Variants in LRMDA observed in about 807,000 individuals in gnomAD.
The protein encoded by LRMDA is leucine rich melanocyte differentiation associated.
LRMDA carries 18 observed loss-of-function variants against 29.8 expected under a neutral mutation model. The ratio of observed to expected loss-of-function variants is 0.60; its 90% CI spans 0.42 to 0.90. The LOEUF is 0.90. Among genes scored for constraint, LRMDA ranks in the 40% least tolerant of loss-of-function variants. The probability of loss-of-function intolerance (pLI) is 0.00; values close to 1 mark genes in which losing one functional copy is unlikely to be tolerated. For missense variants in LRMDA, 273 were observed against 273.9 expected (o/e 1.00, Z 0.02); for synonymous variants, 125 against 109.4 (o/e 1.14, Z -0.89).
intron 2 of LRMDA, among the ~76,000 whole-genome samples, chr10:75,950,446 A>T (rs1263275526): frequency 6.6e-6 from 1 of 152,168 alleles, no homozygotes; most frequent in Non-Finnish European, 1.5e-5. Context: ...ACCTTATGTC[A>T]TAGACAGCTC....
At chr10:75,730,826 T>C (rs2132198301) in intron 2 of LRMDA, among the ~76,000 whole-genome samples, 1 of 152,250 alleles carries the variant, frequency 6.6e-6, no homozygotes, top group South Asian at 2.1e-4. Context: ...TTAATTATTT[T>C]CTTTTTTCTA....
intron 5 of LRMDA, among the ~76,000 whole-genome samples, chr10:76,297,735 A>C (rs576182177): frequency 1.3e-5 from 2 of 152,318 alleles, no homozygotes; most frequent in East Asian, 3.9e-4. Flanking sequence ...GGAAGTCATT[A>C]TCACCATTGC....
At position 76,150,081 on chromosome 10, in the gene LRMDA, G is replaced by T. The variant is rs150230662; in HGVS notation, c.516+91298G>T. On this transcript the variant is annotated intron_variant, in intron 5 of 6. Coordinates refer to ENST00000611255, the MANE Select transcript of LRMDA (RefSeq NM_001305581.2). ...ACACTGGGCTACTGCTGTCTCCTTGGGGGGAAGTTTCCTCTTAGAACTAAC... is the reference window on the plus strand; with the variant it reads ...ACACTGGGCTACTGCTGTCTCCTTGTGGGGAAGTTTCCTCTTAGAACTAAC... Among the ~76,000 whole-genome samples the T allele has an allele frequency of 2.3e-3, 346 of 152,308 alleles. 1 individual carries two copies. Among genetic ancestry groups the T allele is most frequent in the Middle Eastern group, 6.8e-3 (2 of 294 alleles).
At chr10:75,632,069 C>CT (rs996120406) in intron 2 of LRMDA, among the ~76,000 whole-genome samples, 5 of 152,154 alleles carry the variant, frequency 3.3e-5, no homozygotes, top group Admixed American at 1.3e-4. Context: ...TTCTGGCAAC[C>CT]TTTATACTTC....
chr10:75,590,596 A>C lies in LRMDA; in HGVS notation c.131+152102A>C, dbSNP rs567603864. ...AAAAGAGAATTAAAATGCTGGTAGGAGATGTGAGACTTGATAACAAATGCC... is the reference window on the plus strand; with the variant it reads ...AAAAGAGAATTAAAATGCTGGTAGGCGATGTGAGACTTGATAACAAATGCC... On this transcript the variant is annotated intron_variant, in intron 2 of 6. Coordinates refer to ENST00000611255, the MANE Select transcript of LRMDA (RefSeq NM_001305581.2). Among the ~76,000 whole-genome samples the C allele has an allele frequency of 3.9e-5, 6 of 152,284 alleles. No homozygotes were observed. The South Asian group carries it at 1.2e-3, about 32-fold the overall frequency.
At chr10:76,418,388 A>G (rs1331393512) in intron 6 of LRMDA, among the ~76,000 whole-genome samples, 2 of 150,944 alleles carry the variant, frequency 1.3e-5, no homozygotes, top group East Asian at 3.9e-4. Flanking sequence ...TACATATTTC[A>G]TTATATTTAT....
intron 6 of LRMDA, among the ~76,000 whole-genome samples, chr10:76,335,430 A>C (rs961231692): frequency 3.3e-5 from 5 of 152,200 alleles, no homozygotes; most frequent in Admixed American, 6.5e-5. Context: ...GGTTAGATCC[A>C]AAGGAAGTAT....
At chr10:75,535,908 C>T (rs886084295) in intron 2 of LRMDA, among the ~76,000 whole-genome samples, 3 of 152,184 alleles carry the variant, frequency 2.0e-5, no homozygotes, top group African/African-American at 7.2e-5. Context: ...CTCTTCTGAG[C>T]CATCTGTGCC....
At chr10:76,411,903 GA>G (rs1841965331) in intron 6 of LRMDA, among the ~76,000 whole-genome samples, 1 of 152,342 alleles carries the variant, frequency 6.6e-6, no homozygotes, top group African/African-American at 2.4e-5. Context: ...ATGGAAAACA[GA>G]TGGAGGCGCT....
intron 2 of LRMDA, among the ~76,000 whole-genome samples, chr10:75,717,374 G>T (rs868531405): frequency 2.6e-5 from 4 of 152,214 alleles, no homozygotes; most frequent in Non-Finnish European, 5.9e-5. Context: ...GCGATGGGAT[G>T]GTAAATCAGG....
At chr10:76,479,412 A>C (rs1298778555) in intron 6 of LRMDA, among the ~76,000 whole-genome samples, 1 of 151,932 alleles carries the variant, frequency 6.6e-6, no homozygotes, top group Non-Finnish European at 1.5e-5. Flanking sequence ...AGAAGGGCCC[A>C]GGCTTGGTTT....
At chr10:76,264,523 A>G (rs970964287) in intron 5 of LRMDA, among the ~76,000 whole-genome samples, 2 of 148,946 alleles carry the variant, frequency 1.3e-5, no homozygotes, top group South Asian at 4.3e-4. Context: ...AGTTGAAGGC[A>G]TGTCCACTGC....
chr10:76,118,552 G>C (rs1162257064), intron 5 of LRMDA, among the ~76,000 whole-genome samples: 4 of 152,060 alleles, frequency 2.6e-5, no homozygotes, highest in African/African-American at 9.7e-5. Flanking sequence ...TCCATTTGAG[G>C]CTAATACATA....
intron 5 of LRMDA, among the ~76,000 whole-genome samples, chr10:76,134,963 G>T (rs1850066418): frequency 6.6e-6 from 1 of 152,172 alleles, no homozygotes; most frequent in Non-Finnish European, 1.5e-5. Context: ...CAATACCCAG[G>T]AGAATATTTC....
In LRMDA at chr10:75,590,726, C is replaced by CTTTTTTTTTTTTTTTTT. The variant is rs67966004; in HGVS notation, c.131+152258_131+152274dup. 1.3e-4 allele frequency among the ~76,000 whole-genome samples: 9 copies of CTTTTTTTTTTTTTTTTT among 71,384 alleles called. 1 individual carries two copies. Among genetic ancestry groups the CTTTTTTTTTTTTTTTTT allele is most frequent in the Admixed American group, 2.1e-4 (1 of 4,730 alleles). 46.8% of individuals were successfully genotyped at this position (71,384 alleles called of 152,430 possible). A position where few individuals can be genotyped will look rare whatever the true frequency, so the allele number is the denominator to read the frequency against. On this transcript the variant is annotated intron_variant, in intron 2 of 6. Coordinates refer to ENST00000611255, the MANE Select transcript of LRMDA (RefSeq NM_001305581.2). Reference sequence around the variant, plus strand: ...CTCCTAACTCTCACAATAAAATAGTCTTTTTTTTTTTTTTTTTTTTTTTTT... The same window carrying CTTTTTTTTTTTTTTTTT: ...CTCCTAACTCTCACAATAAAATAGTCTTTTTTTTTTTTTTTTTTTTTTTTTTTTTTTTTTTTTTTTTT...
chr10:76,026,456 G>C (rs1475793406), intron 2 of LRMDA, among the ~76,000 whole-genome samples: 5 of 152,124 alleles, frequency 3.3e-5, no homozygotes, highest in African/African-American at 4.8e-5. Context: ...ATTCCTCTAG[G>C]ATTCAAAGTC....
chr10:76,467,318 A>G (rs1373194883), intron 6 of LRMDA, among the ~76,000 whole-genome samples: 3 of 152,198 alleles, frequency 2.0e-5, no homozygotes. Flanking sequence ...TTCAGAGTGA[A>G]ACTAGGCCTA....
chr10:76,121,780 G>A (rs184465135), intron 5 of LRMDA, among the ~76,000 whole-genome samples: 2 of 152,152 alleles, frequency 1.3e-5, no homozygotes, highest in Non-Finnish European at 2.9e-5. Flanking sequence ...AGGAATCAAT[G>A]TATTTTATAT....
intron 2 of LRMDA, among the ~76,000 whole-genome samples, chr10:75,617,751 TC>T (rs1043854239): frequency 6.6e-6 from 1 of 152,210 alleles, no homozygotes; most frequent in Admixed American, 6.5e-5. Flanking sequence ...CCTTTCTCCC[TC>T]AGTCTTTTGC....
Sources: allele counts gnomAD v4.1 joint callset (sites outside exome capture counted in the v4.1 genomes callset), GRCh38; gene constraint gnomAD v4.1.1; transcripts MANE v1.5; gene names NCBI Gene and HGNC (gene_info 2026-07-23, HGNC 2026-07-21).